The following HDAC9 variants were observed in gnomAD, a reference collection of about 807,000 sequenced individuals.
HDAC9 encodes the protein MEF-2 interacting transcription repressor (MITR) protein.
HDAC9 carries 41 observed loss-of-function variants against 139.4 expected under a neutral mutation model. The ratio of observed to expected loss-of-function variants is 0.29; its 90% CI spans 0.23 to 0.38. The LOEUF (loss-of-function observed/expected upper bound fraction) is 0.38, where lower values mean the gene tolerates loss of function less well. Among genes scored for constraint, HDAC9 ranks in the 10% least tolerant of loss-of-function variants. The probability of loss-of-function intolerance (pLI) is 1.00; values close to 1 mark genes in which losing one functional copy is unlikely to be tolerated. For missense variants in HDAC9, 1,147 were observed against 1,297.0 expected (o/e 0.88, Z 1.78); for synonymous variants, 517 against 476.2 (o/e 1.09, Z -1.12).
chr7:18,521,517 A>G (rs1202531428), intron 2 of HDAC9, among the ~76,000 whole-genome samples: 1 of 152,188 alleles, frequency 6.6e-6, no homozygotes, highest in Admixed American at 6.5e-5. Flanking sequence ...AGCAAAATGG[A>G]TAAAGCTTCT....
intron 7 of HDAC9, among the ~76,000 whole-genome samples, chr7:18,630,286 C>T (rs1437795665): frequency 6.6e-6 from 1 of 152,036 alleles, no homozygotes; most frequent in Non-Finnish European, 1.5e-5. Context: ...TGGTAATCTG[C>T]AACCCCTTTT....
chr7:18,833,444 T>C (rs1358933935), intron 19 of HDAC9, among the ~76,000 whole-genome samples: 1 of 152,240 alleles, frequency 6.6e-6, no homozygotes, highest in African/African-American at 2.4e-5. Context: ...TTAGAACTGA[T>C]TAAAATTACT....
At chr7:18,418,484 A>G (rs1437069996) in intron 1 of HDAC9, among the ~76,000 whole-genome samples, 2 of 151,862 alleles carry the variant, frequency 1.3e-5, no homozygotes, top group African/African-American at 4.8e-5. Flanking sequence ...AAATAAGATA[A>G]TGAAATAGTA....
chr7:18,240,434 C>T (rs1584793716), intron 2 of HDAC9, among the ~76,000 whole-genome samples: 1 of 151,936 alleles, frequency 6.6e-6, no homozygotes, highest in African/African-American at 2.4e-5. Flanking sequence ...ATTTGTAATC[C>T]CCCAGTGTTT....
At chr7:18,732,164 A>G (rs541525630) in intron 13 of HDAC9, among the ~76,000 whole-genome samples, 1 of 152,142 alleles carries the variant, frequency 6.6e-6, no homozygotes, top group Non-Finnish European at 1.5e-5. Flanking sequence ...TGGGCCTGAG[A>G]TAACTGTTAT....
chr7:18,804,504 G>A (rs1026735934), intron 17 of HDAC9, among the ~76,000 whole-genome samples: 1 of 152,148 alleles, frequency 6.6e-6, no homozygotes, highest in Admixed American at 6.5e-5. Flanking sequence ...TGTGAATAAG[G>A]AAAGCTGCAT....
chr7:18,107,410 A>G (rs1329026709), intron 1 of HDAC9, among the ~76,000 whole-genome samples: 2 of 152,214 alleles, frequency 1.3e-5, no homozygotes, highest in East Asian at 1.9e-4. Flanking sequence ...GAGAGAGACT[A>G]CTAGCATTTG....
At chr7:18,396,146 C>G (rs1233197996) in intron 1 of HDAC9, among the ~76,000 whole-genome samples, 1 of 63,142 alleles carries the variant, frequency 1.6e-5, no homozygotes, top group African/African-American at 4.9e-5. Context: ...TCCCTTCCTT[C>G]TTTCCTTGTT....
chr7:18,799,295 G>T (rs1793091419), intron 17 of HDAC9, among the ~76,000 whole-genome samples: 1 of 152,138 alleles, frequency 6.6e-6, no homozygotes, highest in Admixed American at 6.5e-5. Context: ...ACAAATCCTG[G>T]AAAGAGGTGA....
intron 6 of HDAC9, among the ~76,000 whole-genome samples, chr7:18,603,174 C>T (rs1358575401): frequency 6.6e-6 from 1 of 151,996 alleles, no homozygotes; most frequent in South Asian, 2.1e-4. Context: ...CATTGCTTTA[C>T]TTTTGATCTG....
chr7:18,142,360 C>T (rs928236143), intron 1 of HDAC9, among the ~76,000 whole-genome samples: 2 of 152,156 alleles, frequency 1.3e-5, no homozygotes, highest in African/African-American at 4.8e-5. Flanking sequence ...CCTCACTTCT[C>T]CTGCTCATCC....
chr7:18,428,232 A>C (rs764742263), intron 1 of HDAC9, among the ~76,000 whole-genome samples: 67 of 152,164 alleles, frequency 4.4e-4, no homozygotes, highest in Non-Finnish European at 8.1e-4. Context: ...AGGAACCTCT[A>C]CCGTTTTTCA....
chr7:18,089,289 G>A (rs1334878139), intron 1 of HDAC9, among the ~76,000 whole-genome samples: 1 of 152,092 alleles, frequency 6.6e-6, no homozygotes, highest in African/African-American at 2.4e-5. Context: ...TGGAGAGTCA[G>A]ACCAGCACTC....
In HDAC9 at chr7:18,666,364, A is replaced by T; in HGVS notation, c.1619A>T (p.Asp540Val). 1 of 1,613,316 alleles carries T rather than the reference A, an allele frequency of 6.2e-7. No individual in the cohort carries two copies. Among genetic ancestry groups the T allele is most frequent in the African/African-American group, 1.3e-5 (1 of 75,016 alleles). ...TRSDSSACVD[D>V]TLGQVGAVKV... Reference sequence around the variant, plus strand: ...AGCGACAGCAGTGCTTGTGTGGATGACACACTGGGACAAGTTGGGGCTGTG... The same window carrying T: ...AGCGACAGCAGTGCTTGTGTGGATGTCACACTGGGACAAGTTGGGGCTGTG... The change falls in exon 12 of 26, where the codon GAC (aspartate) becomes GTC (valine). Residue 540 changes from aspartate to valine, a missense_variant. Coordinates refer to ENST00000686413, the MANE Select transcript of HDAC9 (RefSeq NM_178425.4).
At chr7:18,226,530 A>G (rs192447662) in intron 2 of HDAC9, among the ~76,000 whole-genome samples, 1 of 152,334 alleles carries the variant, frequency 6.6e-6, no homozygotes, top group African/African-American at 2.4e-5. Context: ...TTCCATAAAA[A>G]AAACTAAAGG....
chr7:18,963,526 T>C (rs1357747824), intron 24 of HDAC9, among the ~76,000 whole-genome samples: 1 of 152,144 alleles, frequency 6.6e-6, no homozygotes, highest in Non-Finnish European at 1.5e-5. Context: ...TGAGATATAT[T>C]AGAATAATAA....
At chr7:18,754,694 A>G (rs1788728951) in intron 14 of HDAC9, among the ~76,000 whole-genome samples, 1 of 152,148 alleles carries the variant, frequency 6.6e-6, no homozygotes, top group Admixed American at 6.6e-5. Context: ...TCTGGGACGC[A>G]AAACCAAGCT....
intron 1 of HDAC9, among the ~76,000 whole-genome samples, chr7:18,351,746 G>T (rs1308508233): frequency 1.3e-5 from 2 of 152,164 alleles, no homozygotes; most frequent in African/African-American, 4.8e-5. Flanking sequence ...GTTAGCATTT[G>T]CAAAGCCCTA....
intron 21 of HDAC9, among the ~76,000 whole-genome samples, chr7:18,856,430 T>C (rs1031312814): frequency 1.8e-4 from 28 of 152,170 alleles, no homozygotes; most frequent in African/African-American, 6.5e-4. Flanking sequence ...AACACATGGT[T>C]ATCTCTCCAC....
Sources: gnomAD v4.1 joint callset for allele counts (sites outside exome capture counted in the v4.1 genomes callset) on GRCh38, gnomAD v4.1.1 for gene constraint, MANE v1.5 for transcripts, NCBI Gene and HGNC (gene_info 2026-07-23, HGNC 2026-07-21) for gene names.